The following ZNF398 variants were observed in gnomAD, a reference collection of about 807,000 sequenced individuals.
ZNF398 encodes zinc finger DNA binding protein ZER6.
A neutral mutation model predicts 41.9 loss-of-function variants in ZNF398; 18 were observed. That is an observed-to-expected ratio of 0.43 (90% confidence interval 0.30 to 0.64). ZNF398 has a LOEUF of 0.64. Among genes scored for constraint, ZNF398 ranks in the 30% least tolerant of loss-of-function variants. The probability of loss-of-function intolerance (pLI) is 0.14; values close to 1 mark genes in which losing one functional copy is unlikely to be tolerated. For synonymous variants in ZNF398, 260 were observed against 308.8 expected (o/e 0.84, Z 1.66); for missense variants, 669 against 822.8 (o/e 0.81, Z 2.29).
chr7:149,179,149 CTTTCCCCTGTCCTGA>C lies in ZNF398; in HGVS notation c.1280_1294del (p.Phe427_Asp431del). The C allele has an allele frequency of 6.2e-7, 1 of 1,614,024 alleles. No individual in the cohort carries two copies. Among genetic ancestry groups the C allele is most frequent in the Non-Finnish European group, 8.5e-7 (1 of 1,180,022 alleles). The stretch of plus-strand genomic sequence containing the variant: ...CGGGTCCATAACAGCACTGAGCGTC[CTTTCCCCTGTCCTGA>C]TTGCCCCAAGCGCTTTGCTGACCAG... On this transcript the variant is annotated inframe_deletion, in exon 6 of 6. Transcript: ENST00000475153. This position sits in a 1 kb window ranked among gnomAD's most constrained non-coding sequence, Gnocchi z 6.1.
chr7:149,132,400 G>C (rs1265727004), intron 2 of ZNF398, among the ~76,000 whole-genome samples: 1 of 151,986 alleles, frequency 6.6e-6, no homozygotes, highest in African/African-American at 2.4e-5. Flanking sequence ...CTCCATGTTT[G>C]TCAGGCTGGT....
upstream of ZNF398, among the ~76,000 whole-genome samples, chr7:149,146,285 A>ATTGG (rs949123290): frequency 1.3e-5 from 2 of 152,066 alleles, no homozygotes; most frequent in African/African-American, 4.8e-5. Flanking sequence ...CGTAACCCCA[A>ATTGG]GCTCGATCTC....
Position 149,154,331 on chromosome 7 carries a change from T to TA in ZNF398, c.412dup (p.Ile138AsnfsTer9). 6.2e-7 allele frequency: 1 copy of TA among 1,611,606 alleles called. No homozygotes were observed. On this transcript the variant is annotated frameshift_variant, in exon 2 of 6. Transcript: ENST00000475153. LOFTEE classifies it high-confidence loss of function. ...GGCTCCCTCCAGGTATTAAGGGAGATATCCCAAAGGTAATACCTTCATTTC... is the reference window on the plus strand; with the variant it reads ...GGCTCCCTCCAGGTATTAAGGGAGATAATCCCAAAGGTAATACCTTCATTTC...
At chr7:149,129,038 G>A (rs1826544865) in intron 2 of ZNF398, 3 of 151,898 alleles carry the variant, frequency 2.0e-5, no homozygotes, top group Admixed American at 2.0e-4. Context: ...TTGACCTCGT[G>A]ATCCACCTAC....
intron 4 of ZNF398, among the ~76,000 whole-genome samples, chr7:149,174,909 T>C (rs1040788709): frequency 6.6e-6 from 1 of 151,606 alleles, no homozygotes; most frequent in Non-Finnish European, 1.5e-5. Context: ...TTCTTCCTTA[T>C]ATCCAGTCTT....
At chr7:149,169,825 G>A (rs1446858602) in intron 4 of ZNF398, among the ~76,000 whole-genome samples, 3 of 152,078 alleles carry the variant, frequency 2.0e-5, no homozygotes, top group South Asian at 2.1e-4. Flanking sequence ...CCCAGATTTC[G>A]TGATCTGCTA....
chr7:149,157,222 G>C (rs989045470), intron 2 of ZNF398, among the ~76,000 whole-genome samples: 1 of 151,506 alleles, frequency 6.6e-6, no homozygotes, highest in African/African-American at 2.4e-5. Flanking sequence ...CAGGAGAGAC[G>C]TTAAAAGTGG....
chr7:149,169,622 T>C (rs1795290154), intron 4 of ZNF398, among the ~76,000 whole-genome samples: 1 of 152,098 alleles, frequency 6.6e-6, no homozygotes, highest in South Asian at 2.1e-4. Context: ...TGGCTAATTT[T>C]TGTATTTTCT....
intron 2 of ZNF398, among the ~76,000 whole-genome samples, chr7:149,158,712 T>C (rs1292584499): frequency 1.3e-5 from 2 of 151,510 alleles, no homozygotes; most frequent in African/African-American, 4.8e-5. Flanking sequence ...CGCATTCCTC[T>C]AATCCCAGCT....
upstream of ZNF398, among the ~76,000 whole-genome samples, chr7:149,146,188 C>T (rs774784485): frequency 2.6e-4 from 39 of 151,880 alleles, no homozygotes; most frequent in Non-Finnish European, 4.3e-4. Flanking sequence ...ATCTGCCCGC[C>T]TCGGCCTCCC....
chr7:149,148,444 C>A, intron 1 of ZNF398: 1 of 985,510 alleles, frequency 1.0e-6, no homozygotes, highest in Non-Finnish European at 1.2e-6. Flanking sequence ...GACGGTCAGG[C>A]CGCGGGGAAA....
chr7:149,177,185 T>C (rs554855818), intron 5 of ZNF398, among the ~76,000 whole-genome samples: 1 of 152,138 alleles, frequency 6.6e-6, no homozygotes, highest in Non-Finnish European at 1.5e-5. Context: ...AAACATAAGA[T>C]AGTTTTAGCT....
Position 149,153,920 on chromosome 7 carries a change from T to C in ZNF398, c.25-25T>C, listed in dbSNP as rs77511833. ...GGGTTCCTTCTAACACTCAATGTCT[T>C]GTTCCATCTTTCCACTGCATGCAGA... On this transcript the variant is annotated intron_variant, in intron 1 of 5. Transcript: ENST00000475153. 1.9e-3 allele frequency: 3,094 copies of C among 1,588,744 alleles called. 4 individuals are homozygous for C. The highest frequency in any genetic ancestry group is 2.5e-3 in the Non-Finnish European group (2,967 of 1,167,816).
intron 4 of ZNF398, among the ~76,000 whole-genome samples, chr7:149,169,859 T>C (rs1314268012): frequency 2.0e-5 from 3 of 152,174 alleles, no homozygotes; most frequent in African/African-American, 4.8e-5. Context: ...GATTCCCATA[T>C]GGTTGTACTC....
In ZNF398 at chr7:149,179,092, T is replaced by C; in HGVS notation, c.1220T>C (p.Phe407Ser). The change falls in exon 6 of 6, where the codon TTT (phenylalanine) becomes TCT (serine). Residue 407 changes from phenylalanine (F) to serine (S), a missense_variant. Phe to Ser is a radical substitution (Grantham distance 155). Coordinates refer to ENST00000475153, the MANE Select transcript of ZNF398 (RefSeq NM_170686.3). This position sits in a 1 kb window ranked among gnomAD's most constrained non-coding sequence, Gnocchi z 6.1. Reference sequence around the variant, plus strand: ...ACCTGCCCACACTGTGCCAGGACTTTTACTCACCCATCAAGACTTACCTAC... The same window carrying C: ...ACCTGCCCACACTGTGCCAGGACTTCTACTCACCCATCAAGACTTACCTAC... Reference protein sequence around the residue: ...PPTCPHCARTFTHPSRLTYHL... With the variant: ...PPTCPHCARTSTHPSRLTYHL... The C allele has an allele frequency of 1.9e-6, 3 of 1,613,952 alleles. No homozygotes were observed. The highest frequency in any genetic ancestry group is 2.5e-6 in the Non-Finnish European group (3 of 1,179,992).
intron 2 of ZNF398, among the ~76,000 whole-genome samples, chr7:149,158,056 T>G (rs1380537979): frequency 6.6e-6 from 1 of 151,824 alleles, no homozygotes; most frequent in Non-Finnish European, 1.5e-5. Context: ...CACTCCAGTC[T>G]GGGCAACAGA....
intron 4 of ZNF398, among the ~76,000 whole-genome samples, chr7:149,173,387 G>A (rs960402958): frequency 2.6e-5 from 4 of 152,042 alleles, no homozygotes; most frequent in African/African-American, 7.2e-5. Flanking sequence ...GATTACAAGC[G>A]TGAGCCACCA....
In ZNF398 at chr7:149,179,362, C is replaced by T. The variant is rs775171378; in HGVS notation, c.1490C>T (p.Ala497Val). Reference sequence around the variant, plus strand: ...GGCATTGACTTCAACGGCCACTCGGCCCTGATCCGCCACCAGATGATCCAC... The same window carrying T: ...GGCATTGACTTCAACGGCCACTCGGTCCTGATCCGCCACCAGATGATCCAC... ...QCGIDFNGHSALIRHQMIHTG... is the reference protein window; with the variant it reads ...QCGIDFNGHSVLIRHQMIHTG... Residue 497 changes from alanine (A) to valine (V), a missense_variant, in exon 6 of 6, where the codon GCC becomes GTC. By Grantham distance (64) the Ala-to-Val change is moderately conservative. Transcript: ENST00000475153. The surrounding 1 kb of genome is among the most constrained non-coding windows in gnomAD (Gnocchi z 6.1). 6.2e-7 allele frequency: 1 copy of T among 1,612,242 alleles called. No homozygotes were observed. Among genetic ancestry groups the T allele is most frequent in the South Asian group, 1.1e-5 (1 of 91,030 alleles).
chr7:149,142,368 G>T (rs60507534), intron 2 of ZNF398, among the ~76,000 whole-genome samples: 7,021 of 152,116 alleles, frequency 0.046, 522 homozygotes, highest in African/African-American at 0.16. Context: ...GTATATATCT[G>T]GTATATAAGA....
Sources: allele counts gnomAD v4.1 joint callset (sites outside exome capture counted in the v4.1 genomes callset), GRCh38; gene constraint gnomAD v4.1.1; non-coding constraint Gnocchi (gnomAD v3.1); transcripts MANE v1.5; gene names NCBI Gene and HGNC (gene_info 2026-07-23, HGNC 2026-07-21).